The following PCDHGA1 variants were observed in gnomAD, a reference collection of about 807,000 sequenced individuals.
PCDHGA1 encodes the protein protocadherin gamma-A1.
PCDHGA1 carries 32 observed loss-of-function variants against 58.0 expected under a neutral mutation model. The observed-to-expected ratio is 0.55, with a 90% CI of 0.42 to 0.74. The LOEUF (loss-of-function observed/expected upper bound fraction) is 0.74, where lower values mean the gene tolerates loss of function less well. PCDHGA1 is among the 30% of genes least tolerant of loss of function. PCDHGA1 has a pLI of 0.00. For synonymous variants in PCDHGA1, 498 were observed against 501.1 expected (o/e 0.99, Z 0.08); for missense variants, 1,205 against 1,182.3 (o/e 1.02, Z -0.28).
In PCDHGA1 at chr5:141,331,946, C is replaced by T; in HGVS notation, c.1262C>T (p.Thr421Ile). The change falls in exon 1 of 4, where the codon ACA (threonine) becomes ATA (isoleucine). Residue 421 changes from threonine (T) to isoleucine (I), a missense_variant. Transcript: ENST00000517417. The part of the protein sequence containing the change: ...DRELISGYNI[T>I]ITAIDQGTPA... ...GAACTTATCTCTGGGTACAACATCA[C>T]AATAACAGCAATAGACCAAGGAACT... is the stretch of plus-strand genomic sequence containing the variant. 2 of 1,614,116 alleles carry T rather than the reference C, an allele frequency of 1.2e-6. No homozygotes were observed. Among genetic ancestry groups the T allele is most frequent in the Non-Finnish European group, 1.7e-6 (2 of 1,180,014 alleles).
intron 1 of PCDHGA1, chr5:141,376,225 C>T (rs1772427738): frequency 6.2e-7 from 1 of 1,614,206 alleles, no homozygotes; most frequent in Non-Finnish European, 8.5e-7. Context: ...TGCTGGCGCT[C>T]AGACTGCAGC....
chr5:141,463,373 GTCTGAAAGTT>G (rs1463437299), intron 1 of PCDHGA1, among the ~76,000 whole-genome samples: 1 of 147,058 alleles, frequency 6.8e-6, no homozygotes, highest in Non-Finnish European at 1.5e-5. Context: ...CTGCCCCACA[GTCTGAAAGTT>G]GTCTCCAGGC....
At chr5:141,344,112 G>C in intron 1 of PCDHGA1, 1 of 1,614,026 alleles carries the variant, frequency 6.2e-7, no homozygotes, top group Non-Finnish European at 8.5e-7. Flanking sequence ...GTGCGAAACA[G>C]GATCCGGTCA....
chr5:141,466,969 C>T (rs2099133068), intron 1 of PCDHGA1, among the ~76,000 whole-genome samples: 1 of 152,068 alleles, frequency 6.6e-6, no homozygotes, highest in African/African-American at 2.4e-5. Flanking sequence ...TATTTTCTCA[C>T]AGCTCATCAT....
rs2099756055 is a variant in PCDHGA1, at chr5:141,494,679, C to T, written c.2422-128C>T. The T allele has an allele frequency of 3.9e-6, 6 of 1,556,494 alleles. No homozygotes were observed. In the South Asian group the frequency reaches 4.7e-5, roughly 12 times the overall value. ...GTCTTTGGAGATGAGTCCACCCCTG[C>T]CCCCTCTTAGTCCGTTTTCTTCTCT... is the stretch of plus-strand genomic sequence containing the variant. On this transcript the variant is annotated intron_variant, in intron 1 of 3. Coordinates refer to ENST00000517417, the MANE Select transcript of PCDHGA1 (RefSeq NM_018912.3).
chr5:141,456,783 C>G (rs1400541298), intron 1 of PCDHGA1, among the ~76,000 whole-genome samples: 3 of 151,802 alleles, frequency 2.0e-5, no homozygotes, highest in African/African-American at 4.8e-5. Flanking sequence ...GCCTACATGG[C>G]AAAACCCCAT....
At position 141,334,763 on chromosome 5, in the gene PCDHGA1, C is replaced by T. The variant is rs1194322413; in HGVS notation, c.2421+1658C>T. The T allele has an allele frequency of 6.6e-6, 1 of 152,194 alleles. No homozygotes were observed. Among genetic ancestry groups the T allele is most frequent in the Non-Finnish European group, 1.5e-5 (1 of 68,044 alleles). 9.4% of individuals were successfully genotyped at this position (152,194 alleles called of 1,614,324 possible). ...GTGAGCTGTGGTATCCAGAATATCA[C>T]TGCTGTGCATCATTAAAGCGTCATT... is the stretch of plus-strand genomic sequence containing the variant. On this transcript the variant is annotated intron_variant, in intron 1 of 3. Transcript: ENST00000517417. This position sits in a 1 kb window ranked among gnomAD's most constrained non-coding sequence, Gnocchi z 4.6.
At chr5:141,352,570 G>A (rs1390674555) in intron 1 of PCDHGA1, 3 of 1,613,938 alleles carry the variant, frequency 1.9e-6, no homozygotes, top group East Asian at 2.2e-5. Flanking sequence ...CACCGGAAAT[G>A]GCTCCCCCTC....
Position 141,334,981 on chromosome 5 carries a change from T to A in PCDHGA1, c.2421+1876T>A, listed in dbSNP as rs1195472511. Reference sequence around the variant, plus strand: ...ACAAACCAAAATTTCAAAACACACTTGTCTCGTAGAATTTATTGTTACTAG... The same window carrying A: ...ACAAACCAAAATTTCAAAACACACTAGTCTCGTAGAATTTATTGTTACTAG... On this transcript the variant is annotated intron_variant, in intron 1 of 3. Transcript: ENST00000517417. This position sits in a 1 kb window ranked among gnomAD's most constrained non-coding sequence, Gnocchi z 4.6. 2.0e-5 allele frequency among the ~76,000 whole-genome samples: 3 copies of A among 152,258 alleles called. No homozygotes were observed. The highest frequency in any genetic ancestry group is 7.2e-5 in the African/African-American group (3 of 41,468).
In PCDHGA1 at chr5:141,374,581, C is replaced by A; in HGVS notation, c.2421+41476C>A. On this transcript the variant is annotated intron_variant, in intron 1 of 3. Transcript: ENST00000517417. ...ATGACCCTGATGTGGGAATGAACTC[C>A]CTTCAGGGATTTAAGCTCAGTGGTA... The A allele has an allele frequency of 1.9e-6, 3 of 1,613,660 alleles. No homozygotes were observed. In the East Asian group the frequency reaches 6.7e-5, roughly 36 times the overall value.
At chr5:141,357,099 G>A (rs1760468587) in intron 1 of PCDHGA1, 1 of 1,613,872 alleles carries the variant, frequency 6.2e-7, no homozygotes, top group Non-Finnish European at 8.5e-7. Flanking sequence ...GGGCCCTGCT[G>A]GACAGAGACG....
intron 1 of PCDHGA1, chr5:141,423,925 T>C (rs17097293): frequency 0.23 from 286,429 of 1,244,544 alleles, 36,355 homozygotes; most frequent in African/African-American, 0.51. Flanking sequence ...ACTATGCTGG[T>C]TTGGTTTGAA....
intron 1 of PCDHGA1, among the ~76,000 whole-genome samples, chr5:141,444,012 G>T (rs1355186604): frequency 1.3e-5 from 2 of 152,058 alleles, no homozygotes; most frequent in African/African-American, 4.8e-5. Flanking sequence ...CTGGGTATTG[G>T]CTTCTAAAAG....
At position 141,332,709 on chromosome 5, in the gene PCDHGA1, G is replaced by A. The variant is rs958838059; in HGVS notation, c.2025G>A (p.Leu675=). ...ADRISDILAD[L]GSLEPSAKPN... ...GGATCTCCGACATCCTGGCCGACCTGGGCAGCCTCGAGCCCTCCGCCAAAC... is the reference window on the plus strand; with the variant it reads ...GGATCTCCGACATCCTGGCCGACCTAGGCAGCCTCGAGCCCTCCGCCAAAC... The change falls in exon 1 of 4, where the codon CTG becomes CTA. Residue 675 remains leucine, a synonymous_variant. Transcript: ENST00000517417. This position sits in a 1 kb window ranked among gnomAD's most constrained non-coding sequence, Gnocchi z 4.6. 3.3e-5 allele frequency: 53 copies of A among 1,613,832 alleles called. No homozygotes were observed. Among genetic ancestry groups the A allele is most frequent in the Non-Finnish European group, 4.3e-5 (51 of 1,179,966 alleles).
At chr5:141,501,288 TATACAC>T (rs201660636) in intron 2 of PCDHGA1, among the ~76,000 whole-genome samples, 3 of 81,324 alleles carry the variant, frequency 3.7e-5, no homozygotes, top group African/African-American at 1.5e-4. Flanking sequence ...GATATTCCCT[TATACAC>T]ACACACACAC....
intron 1 of PCDHGA1, chr5:141,345,276 A>G: frequency 6.2e-7 from 1 of 1,614,020 alleles, no homozygotes; most frequent in Non-Finnish European, 8.5e-7. Context: ...CCGCGAACAA[A>G]TATCAGAATA....
chr5:141,365,043 A>G (rs1264854717), intron 1 of PCDHGA1: 5 of 1,613,814 alleles, frequency 3.1e-6, no homozygotes, highest in Non-Finnish European at 4.2e-6. Flanking sequence ...GCAAACGACA[A>G]TGCGCCCCTG....
chr5:141,352,582 G>A (rs1759052169), intron 1 of PCDHGA1: 1 of 1,613,900 alleles, frequency 6.2e-7, no homozygotes. Context: ...CTCCCCCTCA[G>A]GATCTGCTGT....
rs1358516648 is a variant in PCDHGA1, at chr5:141,489,199, A to C, written c.2422-5608A>C. The C allele has an allele frequency of 1.4e-6, 2 of 1,395,234 alleles. No individual in the cohort carries two copies. The highest frequency in any genetic ancestry group is 2.8e-5 in the South Asian group (2 of 71,520). The allele number at this position is 1,395,234 out of a possible 1,614,324, so 86.4% of individuals were successfully genotyped here. ...CAAGCCCTGGGTCTACCTTGGAGAC[A>C]GGACAGCACAGACTTACTCTCCACA... On this transcript the variant is annotated intron_variant, in intron 1 of 3. Transcript: ENST00000517417. The surrounding 1 kb of genome is among the most constrained non-coding windows in gnomAD (Gnocchi z 4.5).
Sources: gnomAD v4.1 joint callset for allele counts (sites outside exome capture counted in the v4.1 genomes callset) on GRCh38, gnomAD v4.1.1 for gene constraint, Gnocchi (gnomAD v3.1) non-coding constraint, MANE v1.5 for transcripts, NCBI Gene and HGNC (gene_info 2026-07-23, HGNC 2026-07-21) for gene names.